The following EYS variants were observed in gnomAD, a reference collection of about 807,000 sequenced individuals.
The protein encoded by EYS is EGF-like photoreceptor maintenance factor.
Under a neutral mutation model 282.1 loss-of-function variants are expected in EYS, and 250 were observed. The observed-to-expected ratio is 0.89, with a 90% CI of 0.80 to 0.98. The LOEUF is 0.98. Among genes scored for constraint, EYS ranks in the 50% least tolerant of loss-of-function variants. EYS has a pLI of 0.00. For synonymous variants in EYS, 1,355 were observed against 1,282.9 expected (o/e 1.06, Z -1.20); for missense variants, 4,016 against 3,709.0 (o/e 1.08, Z -2.15).
At chr6:65,547,876 T>G (rs914770544) in intron 2 of EYS, among the ~76,000 whole-genome samples, 1 of 152,180 alleles carries the variant, frequency 6.6e-6, no homozygotes, top group Non-Finnish European at 1.5e-5. Flanking sequence ...CAACAGCTTC[T>G]GAAACACTCT....
chr6:65,372,340 A>G lies in EYS; in HGVS notation c.1299+12046T>C, dbSNP rs560216494. ...CAAACCAGAAAGTGCATTTCTAACT[A>G]TATGTATTAAAATAAAATAAATGAA... On this transcript the variant is annotated intron_variant, in intron 8 of 42. Coordinates refer to ENST00000503581, the MANE Select transcript of EYS (RefSeq NM_001142800.2). Among the ~76,000 whole-genome samples the G allele has an allele frequency of 2.7e-4, 41 of 152,176 alleles. No individual in the cohort carries two copies. In the South Asian group the frequency reaches 8.3e-3, roughly 31 times the overall value.
chr6:64,417,085 C>A (rs1582726428), intron 28 of EYS, among the ~76,000 whole-genome samples: 1 of 152,104 alleles, frequency 6.6e-6, no homozygotes, highest in Non-Finnish European at 1.5e-5. Flanking sequence ...TTGACTGAAC[C>A]ATTACTTCAT....
chr6:64,571,371 G>C (rs867521304), intron 26 of EYS, among the ~76,000 whole-genome samples: 2 of 151,936 alleles, frequency 1.3e-5, no homozygotes, highest in Non-Finnish European at 2.9e-5. Flanking sequence ...AAAAGAACTA[G>C]AAAGTAAGAG....
intron 5 of EYS, among the ~76,000 whole-genome samples, chr6:65,442,424 C>T (rs1009044475): frequency 6.6e-6 from 1 of 151,828 alleles, no homozygotes; most frequent in Non-Finnish European, 1.5e-5. Context: ...AATTTTATTA[C>T]TTCATACTGC....
At chr6:64,612,276 A>G (rs1045901919) in intron 24 of EYS, among the ~76,000 whole-genome samples, 4 of 152,072 alleles carry the variant, frequency 2.6e-5, no homozygotes, top group Middle Eastern at 3.2e-3. Flanking sequence ...TGTAATTAAC[A>G]CTTTCATCGA....
chr6:64,704,228 A>G (rs1770893984), intron 22 of EYS, among the ~76,000 whole-genome samples: 1 of 150,640 alleles, frequency 6.6e-6, no homozygotes, highest in Non-Finnish European at 1.5e-5. Flanking sequence ...AGATGTATTC[A>G]TATTATAATT....
At chr6:65,635,087 T>TGTTG (rs1767040571) in intron 2 of EYS, among the ~76,000 whole-genome samples, 1 of 152,230 alleles carries the variant, frequency 6.6e-6, no homozygotes, top group Admixed American at 6.5e-5. Context: ...GTGCTAAAAC[T>TGTTG]GTTGGTAAGG....
At chr6:64,936,770 A>G (rs1475824480) in intron 15 of EYS, among the ~76,000 whole-genome samples, 1 of 150,902 alleles carries the variant, frequency 6.6e-6, no homozygotes, top group Non-Finnish European at 1.5e-5. Context: ...ATTAAAGAAG[A>G]TTCAATAAAA....
chr6:63,869,277 T>C (rs1772742310), intron 35 of EYS, among the ~76,000 whole-genome samples: 1 of 152,196 alleles, frequency 6.6e-6, no homozygotes. Context: ...TTTCTTGTTC[T>C]AGTATCTGTC....
chr6:64,371,838 C>A (rs1772384338), intron 29 of EYS, among the ~76,000 whole-genome samples: 1 of 152,010 alleles, frequency 6.6e-6, no homozygotes, highest in Non-Finnish European at 1.5e-5. Flanking sequence ...AAGAGCACCC[C>A]TTGCCTTTTT....
At chr6:65,078,964 A>T (rs989055394) in intron 12 of EYS, among the ~76,000 whole-genome samples, 3 of 151,608 alleles carry the variant, frequency 2.0e-5, no homozygotes, top group African/African-American at 7.3e-5. Context: ...CACCCCTGCC[A>T]TGAGCAAAAG....
intron 35 of EYS, among the ~76,000 whole-genome samples, chr6:63,938,592 A>G (rs1462682081): frequency 6.6e-6 from 1 of 152,246 alleles, no homozygotes; most frequent in Non-Finnish European, 1.5e-5. Flanking sequence ...TTGGTTGAAA[A>G]AGAAAATGTG....
intron 2 of EYS, among the ~76,000 whole-genome samples, chr6:65,616,645 G>A (rs1409080824): frequency 6.6e-6 from 1 of 151,942 alleles, no homozygotes; most frequent in African/African-American, 2.4e-5. Context: ...AATTTGCTGG[G>A]TGTGGTGGCA....
intron 19 of EYS, among the ~76,000 whole-genome samples, chr6:64,855,221 C>A (rs966893355): frequency 6.6e-6 from 1 of 151,824 alleles, no homozygotes; most frequent in African/African-American, 2.4e-5. Context: ...GTTCTCTGAG[C>A]TTTGTGGATT....
At chr6:63,790,515 G>A (rs1292828993) in intron 37 of EYS, among the ~76,000 whole-genome samples, 2 of 152,206 alleles carry the variant, frequency 1.3e-5, no homozygotes, top group Non-Finnish European at 2.9e-5. Context: ...CATAGACCGA[G>A]TACATTGGGA....
intron 22 of EYS, among the ~76,000 whole-genome samples, chr6:64,731,711 T>G (rs1278432548): frequency 1.3e-5 from 2 of 152,110 alleles, no homozygotes; most frequent in African/African-American, 4.8e-5. Flanking sequence ...ACGCTGTTGG[T>G]GGGAATGTAA....
At chr6:63,804,770 G>A (rs1770861732) in intron 37 of EYS, among the ~76,000 whole-genome samples, 1 of 152,148 alleles carries the variant, frequency 6.6e-6, no homozygotes, top group African/African-American at 2.4e-5. Flanking sequence ...TTTAAACAAG[G>A]TTCAGACATG....
At chr6:65,109,763 A>C (rs1223819442) in intron 12 of EYS, among the ~76,000 whole-genome samples, 2 of 151,772 alleles carry the variant, frequency 1.3e-5, no homozygotes, top group African/African-American at 2.4e-5. Flanking sequence ...ACAGTAATTT[A>C]CTCTGCCTAC....
intron 2 of EYS, among the ~76,000 whole-genome samples, chr6:65,611,705 AG>A (rs1400460973): frequency 6.6e-6 from 1 of 152,126 alleles, no homozygotes; most frequent in Admixed American, 6.6e-5. Context: ...ATACCTTTAC[AG>A]TACAGTTCTC....
Sources: allele counts gnomAD v4.1 joint callset (sites outside exome capture counted in the v4.1 genomes callset), GRCh38; gene constraint gnomAD v4.1.1; transcripts MANE v1.5; gene names NCBI Gene and HGNC (gene_info 2026-07-23, HGNC 2026-07-21).